STX2: variants seen among roughly 807,000 people sequenced by gnomAD.
STX2 encodes the protein syntaxin-2.
Under a neutral mutation model 40.6 loss-of-function variants are expected in STX2, and 27 were observed. The observed-to-expected ratio is 0.66, with a 90% CI of 0.49 to 0.92. The LOEUF (loss-of-function observed/expected upper bound fraction) is 0.92. Among genes scored for constraint, STX2 ranks in the 40% least tolerant of loss-of-function variants. The pLI is 0.00. For synonymous variants in STX2, 123 were observed against 119.1 expected (o/e 1.03, Z -0.22); for missense variants, 328 against 366.1 (o/e 0.90, Z 0.85).
chr12:130,830,707 C>T (rs1952528007), intron 1 of STX2, among the ~76,000 whole-genome samples: 1 of 152,150 alleles, frequency 6.6e-6, no homozygotes, highest in Admixed American at 6.5e-5. Context: ...AACAAAATGA[C>T]CAAAGCAATC....
intron 1 of STX2, among the ~76,000 whole-genome samples, chr12:130,827,873 G>T (rs1952384440): frequency 6.6e-6 from 1 of 152,172 alleles, no homozygotes; most frequent in African/African-American, 2.4e-5. Flanking sequence ...TGTGGTCCCA[G>T]CTACTTAGGA....
chr12:130,815,503 T>C, intron 3 of STX2, among the ~76,000 whole-genome samples: 1 of 152,232 alleles, frequency 6.6e-6, no homozygotes, highest in East Asian at 1.9e-4. Context: ...AAGACCTGTT[T>C]TCCTGAGCCC....
At chr12:130,829,797 T>C (rs901696746) in intron 1 of STX2, among the ~76,000 whole-genome samples, 1 of 152,152 alleles carries the variant, frequency 6.6e-6, no homozygotes, top group Non-Finnish European at 1.5e-5. Context: ...CTTTAAGTCA[T>C]TGACTGACTG....
At chr12:130,811,712 T>G (rs1014689975) in intron 4 of STX2, among the ~76,000 whole-genome samples, 4 of 152,002 alleles carry the variant, frequency 2.6e-5, no homozygotes, top group Admixed American at 6.6e-5. Context: ...GCTAATTTTT[T>G]GTATTTTTAG....
chr12:130,827,567 C>T lies in STX2; in HGVS notation c.31-300G>A, dbSNP rs912243944. Among the ~76,000 whole-genome samples the T allele has an allele frequency of 2.0e-5, 3 of 152,212 alleles. No individual in the cohort carries two copies. The East Asian group carries it at 5.8e-4, about 29-fold the overall frequency. ...ACTATGTAAGTCAATATAACACAGG[C>T]CAGTTTTACCCTCAAGAAGTGAAAC... On this transcript the variant is annotated intron_variant, in intron 1 of 10. Transcript: ENST00000392373.
chr12:130,797,409 T>C (rs1951063069), intron 9 of STX2, among the ~76,000 whole-genome samples: 1 of 152,194 alleles, frequency 6.6e-6, no homozygotes, highest in Non-Finnish European at 1.5e-5. Flanking sequence ...AGAAACCATG[T>C]CTGGCATTTC....
intron 3 of STX2, among the ~76,000 whole-genome samples, chr12:130,814,199 C>G (rs1320074191): frequency 1.3e-5 from 2 of 152,164 alleles, no homozygotes; most frequent in African/African-American, 4.8e-5. Context: ...TGAGTACTTT[C>G]TGTGTGCAGG....
Position 130,818,185 on chromosome 12 carries a change from A to AATATATAT in STX2, c.205+3496_205+3503dup, listed in dbSNP as rs1168152790. On this transcript the variant is annotated intron_variant, in intron 3 of 10. Transcript: ENST00000392373. The stretch of plus-strand genomic sequence containing the variant: ...GCTGTTTCTACAAAAAAAAAAAAAA[A>AATATATAT]ATATATATATATATATATATATATA... Among the ~76,000 whole-genome samples the AATATATAT allele has an allele frequency of 1.1e-3, 78 of 70,514 alleles. 1 individual carries two copies. Among genetic ancestry groups the AATATATAT allele is most frequent in the African/African-American group, 7.4e-3 (62 of 8,404 alleles). 46.3% of individuals were successfully genotyped at this position (70,514 alleles called of 152,430 possible).
intron 6 of STX2, among the ~76,000 whole-genome samples, chr12:130,803,263 G>A (rs1951296730): frequency 6.6e-6 from 1 of 152,166 alleles, no homozygotes; most frequent in African/African-American, 2.4e-5. Context: ...TGCTTTGGGA[G>A]ACCAAGGTGG....
At chr12:130,820,142 A>C (rs911042541) in intron 3 of STX2, among the ~76,000 whole-genome samples, 1 of 152,226 alleles carries the variant, frequency 6.6e-6, no homozygotes, top group African/African-American at 2.4e-5. Context: ...ACTTCTATTC[A>C]ATACTGTACT....
intron 5 of STX2, 28 bp downstream of exon 5, chr12:130,808,603 T>G (rs1286128494): frequency 6.3e-6 from 10 of 1,591,868 alleles, no homozygotes. Flanking sequence ...GCGACATTAC[T>G]TTAATCTAAA....
chr12:130,801,430 G>A lies in STX2; in HGVS notation c.522C>T (p.Ser174=), dbSNP rs1425773930. Residue 174 remains serine, a synonymous_variant, in exon 7 of 11, where the codon TCC becomes TCT. Transcript: ENST00000392373. ...CCCCACTCACGTCGGAAGTGAAGATGGATGGCTTCCCGCTCTCCAGCATCT... is the reference window on the plus strand; with the variant it reads ...CCCCACTCACGTCGGAAGTGAAGATAGATGGCTTCCCGCTCTCCAGCATCT... ...LEEMLESGKP[S]IFTSDIISDS... The A allele has an allele frequency of 1.1e-5, 17 of 1,610,622 alleles. No homozygotes were observed. Among genetic ancestry groups the A allele is most frequent in the Non-Finnish European group, 1.4e-5 (17 of 1,178,174 alleles).
chr12:130,832,049 G>A (rs1020113885), intron 1 of STX2, among the ~76,000 whole-genome samples: 1 of 151,974 alleles, frequency 6.6e-6, no homozygotes, highest in Non-Finnish European at 1.5e-5. Flanking sequence ...GTCTGGCCAT[G>A]TGGCCCAGGC....
chr12:130,808,592 T>G, intron 5 of STX2, 39 bp downstream of exon 5: 1 of 1,554,328 alleles, frequency 6.4e-7, no homozygotes. Flanking sequence ...ACACTTATTC[T>G]GCGACATTAC....
At chr12:130,827,292 G>A (rs1952358013) in intron 1 of STX2, 25 bp from the exon 2 acceptor site, 4 of 1,603,748 alleles carry the variant, frequency 2.5e-6, no homozygotes, top group Non-Finnish European at 2.6e-6. Context: ...GGAAAATTCA[G>A]TTTTTTAAAA....
intron 6 of STX2, among the ~76,000 whole-genome samples, chr12:130,806,379 G>A (rs1951434880): frequency 6.6e-6 from 1 of 152,132 alleles, no homozygotes; most frequent in African/African-American, 2.4e-5. Context: ...GCTGTCCACG[G>A]CCCCCAGTCT....
Position 130,789,884 on chromosome 12 carries a change from T to C in STX2, c.*2139A>G, listed in dbSNP as rs1157503225. Reference sequence around the variant, plus strand: ...AATAGCATTTTCCTAACTTCAACTATAAAAACACAAATTTCAGTAGGTACT... The same window carrying C: ...AATAGCATTTTCCTAACTTCAACTACAAAAACACAAATTTCAGTAGGTACT... On this transcript the variant is annotated 3_prime_UTR_variant, in exon 11 of 11. Coordinates refer to ENST00000392373, the MANE Select transcript of STX2 (RefSeq NM_194356.4). 3 of 152,246 alleles carry C rather than the reference T, an allele frequency of 2.0e-5. No homozygotes were observed. The highest frequency in any genetic ancestry group is 1.9e-4 in the East Asian group (1 of 5,188). The allele number at this position is 152,246 out of a possible 1,614,324, so 9.4% of individuals were successfully genotyped here.
intron 2 of STX2, among the ~76,000 whole-genome samples, chr12:130,824,931 T>C (rs1952244721): frequency 6.6e-6 from 1 of 152,150 alleles, no homozygotes; most frequent in South Asian, 2.1e-4. Flanking sequence ...ACGAGTAACC[T>C]GTTTCCCACA....
At chr12:130,806,849 C>G in intron 6 of STX2, 133 bp downstream of exon 6, 2 of 776,060 alleles carry the variant, frequency 2.6e-6, no homozygotes, top group Non-Finnish European at 4.1e-6. Context: ...TAGGAAGCTA[C>G]GAGTGGTCTT....
Sources: gnomAD v4.1 joint callset for allele counts (sites outside exome capture counted in the v4.1 genomes callset) on GRCh38, gnomAD v4.1.1 for gene constraint, MANE v1.5 for transcripts, NCBI Gene and HGNC (gene_info 2026-07-23, HGNC 2026-07-21) for gene names.